KIAA0825: variants seen among roughly 807,000 people sequenced by gnomAD.
KIAA0825 encodes the protein KIAA0825, also known as uncharacterized protein KIAA0825.
Under a neutral mutation model 147.6 loss-of-function variants are expected in KIAA0825, and 119 were observed. The ratio of observed to expected loss-of-function variants is 0.81; its 90% CI spans 0.69 to 0.94. The LOEUF is 0.94. KIAA0825 is among the 40% of genes least tolerant of loss of function. The pLI, the probability that KIAA0825 is intolerant of heterozygous loss-of-function variation, is 0.00. For synonymous variants in KIAA0825, 470 were observed against 518.1 expected (o/e 0.91, Z 1.26); for missense variants, 1,381 against 1,472.7 (o/e 0.94, Z 1.02).
At chr5:94,465,095 C>A (rs1364250062) in intron 10 of KIAA0825, 36 bp from the exon 11 acceptor site, 3 of 1,525,518 alleles carry the variant, frequency 2.0e-6, no homozygotes, top group Non-Finnish European at 2.7e-6. Context: ...CATAGAGTTA[C>A]ATCTTCTAAA....
chr5:94,372,161 T>C (rs1746805597), intron 20 of KIAA0825, among the ~76,000 whole-genome samples: 1 of 152,326 alleles, frequency 6.6e-6, no homozygotes, highest in South Asian at 2.1e-4. Context: ...GTTTGAAGGA[T>C]ATAGCCCCCC....
chr5:94,237,629 A>AT (rs1181656653), intron 20 of KIAA0825, among the ~76,000 whole-genome samples: 1 of 152,106 alleles, frequency 6.6e-6, no homozygotes, highest in East Asian at 1.9e-4. Context: ...GGTAGTATAC[A>AT]TTTTTTACCA....
chr5:94,594,762 G>A (rs958681592), intron 1 of KIAA0825: 7 of 601,960 alleles, frequency 1.2e-5, no homozygotes, highest in African/African-American at 1.1e-4. Flanking sequence ...CTACCTGAGA[G>A]AACATGCATT....
chr5:94,243,181 A>C (rs1418696601), intron 20 of KIAA0825, among the ~76,000 whole-genome samples: 1 of 152,234 alleles, frequency 6.6e-6, no homozygotes, highest in Non-Finnish European at 1.5e-5. Context: ...TGCCTGGCGC[A>C]CAGTGAATGT....
rs1584582666 is a variant in KIAA0825 at position 94,467,264 on chromosome 5, T to C, written c.1873-2205A>G. Among the ~76,000 whole-genome samples the C allele has an allele frequency of 2.0e-5, 3 of 152,214 alleles. No homozygotes were observed. In the East Asian group the frequency reaches 5.8e-4, roughly 29 times the overall value. On this transcript the variant is annotated intron_variant, in intron 10 of 20. Transcript: ENST00000682413. ...AGGGTTTTCATTAAACTAAATGTGG[T>C]TCATTTATTTTTCTGACCTGTTTCC...
At chr5:94,260,200 T>A (rs1023319326) in intron 20 of KIAA0825, among the ~76,000 whole-genome samples, 2 of 152,114 alleles carry the variant, frequency 1.3e-5, no homozygotes, top group South Asian at 2.1e-4. Flanking sequence ...GCAATAGAAT[T>A]ACAATGAGGG....
At chr5:94,338,953 TAA>T (rs1231867206) in intron 20 of KIAA0825, among the ~76,000 whole-genome samples, 1 of 152,138 alleles carries the variant, frequency 6.6e-6, no homozygotes, top group East Asian at 1.9e-4. Flanking sequence ...GATTATTAAA[TAA>T]ATAAATACTA....
intron 20 of KIAA0825, among the ~76,000 whole-genome samples, chr5:94,188,039 C>A (rs1481596833): frequency 6.6e-6 from 1 of 152,140 alleles, no homozygotes; most frequent in Non-Finnish European, 1.5e-5. Flanking sequence ...AAAGAGACCC[C>A]AGAGAGATTT....
At chr5:94,348,239 A>G (rs1036748601) in intron 20 of KIAA0825, among the ~76,000 whole-genome samples, 1 of 152,218 alleles carries the variant, frequency 6.6e-6, no homozygotes, top group African/African-American at 2.4e-5. Context: ...TAATTAAGGA[A>G]AACTTCCCTG....
chr5:94,276,781 C>T (rs1356311826), intron 20 of KIAA0825, among the ~76,000 whole-genome samples: 1 of 151,894 alleles, frequency 6.6e-6, no homozygotes, highest in Non-Finnish European at 1.5e-5. Context: ...TAGAGAGGGC[C>T]TGCTATCAAA....
At chr5:94,464,528 C>T (rs1760246103) in intron 11 of KIAA0825, among the ~76,000 whole-genome samples, 2 of 152,170 alleles carry the variant, frequency 1.3e-5, no homozygotes, top group Non-Finnish European at 2.9e-5. Context: ...ACTGCTCCAT[C>T]ATGGCATGGA....
At chr5:94,179,674 A>G (rs1490010513) in intron 20 of KIAA0825, among the ~76,000 whole-genome samples, 1 of 152,090 alleles carries the variant, frequency 6.6e-6, no homozygotes, top group Non-Finnish European at 1.5e-5. Context: ...ATAATACAAT[A>G]TGAGCCTGGA....
chr5:94,530,965 T>G (rs1203018223), intron 3 of KIAA0825, among the ~76,000 whole-genome samples: 1 of 152,234 alleles, frequency 6.6e-6, no homozygotes, highest in Non-Finnish European at 1.5e-5. Flanking sequence ...TATAACAATT[T>G]ATAAACAGGG....
intron 20 of KIAA0825, among the ~76,000 whole-genome samples, chr5:94,324,271 T>A (rs1780474325): frequency 6.6e-6 from 1 of 152,050 alleles, no homozygotes; most frequent in African/African-American, 2.4e-5. Context: ...TATGCGAACC[T>A]CTGAAAAGAA....
chr5:94,362,088 A>T (rs2150407537), intron 20 of KIAA0825, among the ~76,000 whole-genome samples: 1 of 152,350 alleles, frequency 6.6e-6, no homozygotes, highest in South Asian at 2.1e-4. Flanking sequence ...ATGAAGGTAC[A>T]TCCTATCCAA....
At chr5:94,527,816 C>T (rs1769647830) in intron 3 of KIAA0825, among the ~76,000 whole-genome samples, 1 of 151,880 alleles carries the variant, frequency 6.6e-6, no homozygotes, top group Non-Finnish European at 1.5e-5. Context: ...ATTTATCTAA[C>T]TAGATTACTA....
chr5:94,217,588 T>A (rs1245042949), intron 20 of KIAA0825, among the ~76,000 whole-genome samples: 2 of 152,216 alleles, frequency 1.3e-5, no homozygotes, highest in African/African-American at 4.8e-5. Context: ...ATGACAGTCT[T>A]GATTTAAATT....
intron 5 of KIAA0825, among the ~76,000 whole-genome samples, chr5:94,503,722 T>C (rs1016360623): frequency 6.6e-6 from 1 of 152,214 alleles, no homozygotes; most frequent in African/African-American, 2.4e-5. Context: ...TTCTTGGTTG[T>C]CTTAGAGAAG....
chr5:94,450,932 G>A (rs1758317990), intron 13 of KIAA0825, among the ~76,000 whole-genome samples: 2 of 152,146 alleles, frequency 1.3e-5, no homozygotes, highest in African/African-American at 2.4e-5. Context: ...TTAAGCTTTA[G>A]AATAGAACAG....
Sources: allele counts gnomAD v4.1 joint callset (sites outside exome capture counted in the v4.1 genomes callset), GRCh38; gene constraint gnomAD v4.1.1; transcripts MANE v1.5; gene names NCBI Gene and HGNC (gene_info 2026-07-23, HGNC 2026-07-21).